The following SLC24A2 variants were observed in gnomAD, a reference collection of about 807,000 sequenced individuals.
SLC24A2 encodes sodium/potassium/calcium exchanger 2.
In SLC24A2, 36 loss-of-function variants were observed where a neutral mutation model predicts 62.0. That is an observed-to-expected ratio of 0.58 (90% CI 0.44 to 0.77). The LOEUF (loss-of-function observed/expected upper bound fraction) is 0.77. Ranked by LOEUF, SLC24A2 falls within the 30% of genes least tolerant of loss-of-function variation. The probability of loss-of-function intolerance (pLI) is 0.00; values close to 1 mark genes in which losing one functional copy is unlikely to be tolerated. For synonymous variants in SLC24A2, 358 were observed against 294.0 expected, an observed-to-expected ratio of 1.22 and a Z score of -2.23; for missense variants, 846 against 817.9, an observed-to-expected ratio of 1.03 and a Z score of -0.42.
chr9:19,776,571 G>A (rs1040959290), intron 2 of SLC24A2, among the ~76,000 whole-genome samples: 11 of 152,246 alleles, frequency 7.2e-5, no homozygotes, highest in East Asian at 1.9e-4. Context: ...GCGGTCTAGC[G>A]TCCTACAGTA....
the SLC24A2 span, among the ~76,000 whole-genome samples, chr9:19,859,321 A>T: frequency 6.6e-6 from 1 of 152,178 alleles, no homozygotes. Flanking sequence ...CAAAGAGGGG[A>T]ACAATAGACA....
chr9:20,038,659 C>T, the SLC24A2 span, among the ~76,000 whole-genome samples: 1 of 147,294 alleles, frequency 6.8e-6, no homozygotes, highest in Admixed American at 6.8e-5. Flanking sequence ...GCTTTTCTTG[C>T]AAGATAAAAT....
chr9:19,627,958 T>C (rs1253677639), intron 2 of SLC24A2, among the ~76,000 whole-genome samples: 1 of 152,226 alleles, frequency 6.6e-6, no homozygotes, highest in African/African-American at 2.4e-5. Context: ...CAAATAATTA[T>C]CTTGTGCACT....
the SLC24A2 span, among the ~76,000 whole-genome samples, chr9:20,275,579 C>G: frequency 1.3e-5 from 2 of 152,132 alleles, 1 homozygote. Flanking sequence ...GGCCTTTTTC[C>G]TCATGTCTCT....
chr9:19,899,267 T>G, the SLC24A2 span, among the ~76,000 whole-genome samples: 1 of 152,160 alleles, frequency 6.6e-6, no homozygotes, highest in African/African-American at 2.4e-5. Flanking sequence ...TGGAAACTTG[T>G]CAAAGACTGA....
At chr9:19,784,996 C>T (rs2118942100) in intron 2 of SLC24A2, among the ~76,000 whole-genome samples, 1 of 152,222 alleles carries the variant, frequency 6.6e-6, no homozygotes, top group South Asian at 2.1e-4. Flanking sequence ...TGAGAATTTT[C>T]CCAGATGCTG....
At chr9:20,221,341 T>G in the SLC24A2 span, among the ~76,000 whole-genome samples, 1 of 152,098 alleles carries the variant, frequency 6.6e-6, no homozygotes, top group Non-Finnish European at 1.5e-5. Context: ...TTTCTGGGCT[T>G]ATTTTTAAGT....
At chr9:19,560,211 GA>G (rs1835322990) in intron 7 of SLC24A2, among the ~76,000 whole-genome samples, 1 of 152,116 alleles carries the variant, frequency 6.6e-6, no homozygotes, top group African/African-American at 2.4e-5. Context: ...CCATATGATA[GA>G]AACCAGAGAG....
chr9:19,723,007 T>C (rs945949324), intron 2 of SLC24A2, among the ~76,000 whole-genome samples: 1 of 152,114 alleles, frequency 6.6e-6, no homozygotes, highest in Non-Finnish European at 1.5e-5. Context: ...AATAAGATTG[T>C]TCAATTTTTA....
At chr9:20,012,882 T>C in the SLC24A2 span, among the ~76,000 whole-genome samples, 2 of 151,766 alleles carry the variant, frequency 1.3e-5, no homozygotes, top group East Asian at 3.9e-4. Flanking sequence ...CTATAATCAC[T>C]GATGACAGAA....
chr9:20,180,552 C>T, the SLC24A2 span, among the ~76,000 whole-genome samples: 1 of 152,112 alleles, frequency 6.6e-6, no homozygotes, highest in East Asian at 1.9e-4. Flanking sequence ...AAAATAAGGA[C>T]TTTTTGGCAT....
intron 2 of SLC24A2, among the ~76,000 whole-genome samples, chr9:19,686,698 C>T (rs1819891763): frequency 6.6e-6 from 1 of 152,114 alleles, no homozygotes; most frequent in Non-Finnish European, 1.5e-5. Context: ...GCTTCCTCTT[C>T]CACCATGATT....
At chr9:20,073,867 T>G in the SLC24A2 span, among the ~76,000 whole-genome samples, 1 of 111,014 alleles carries the variant, frequency 9.0e-6, no homozygotes, top group South Asian at 3.2e-4. Context: ...TGTGTGTGTA[T>G]ATGTGCGTGT....
chr9:20,066,570 T>G, the SLC24A2 span, among the ~76,000 whole-genome samples: 2 of 152,248 alleles, frequency 1.3e-5, no homozygotes, highest in African/African-American at 4.8e-5. Context: ...TTAAGAGAAT[T>G]CTGTCCATCT....
At chr9:19,567,893 T>A (rs538137612) in intron 7 of SLC24A2, among the ~76,000 whole-genome samples, 87 of 152,292 alleles carry the variant, frequency 5.7e-4, no homozygotes, top group African/African-American at 2.0e-3. Flanking sequence ...GTGAGAGTAT[T>A]TTAAAAATGC....
intron 7 of SLC24A2, among the ~76,000 whole-genome samples, chr9:19,569,491 G>A (rs761291303): frequency 5.9e-5 from 9 of 152,214 alleles, no homozygotes; most frequent in Non-Finnish European, 1.0e-4. Context: ...TTGGCAGTGC[G>A]CACAATGTCC....
chr9:19,658,244 G>A (rs1818996838), intron 2 of SLC24A2, among the ~76,000 whole-genome samples: 1 of 149,020 alleles, frequency 6.7e-6, no homozygotes, highest in African/African-American at 2.5e-5. Flanking sequence ...ATTCACAAAG[G>A]TGATATCTCT....
chr9:19,805,834 T>TAAA, the SLC24A2 span, among the ~76,000 whole-genome samples: 1 of 141,454 alleles, frequency 7.1e-6, no homozygotes, highest in Non-Finnish European at 1.6e-5. Context: ...GGTCTGAGTT[T>TAAA]TAAAAAAAAA....
the SLC24A2 span, among the ~76,000 whole-genome samples, chr9:19,913,195 T>C: frequency 3.9e-5 from 6 of 152,134 alleles, no homozygotes; most frequent in African/African-American, 7.2e-5. Context: ...CCAAGATCTA[T>C]GACCAGTTTT....
Sources: gnomAD v4.1 joint callset for allele counts (sites outside exome capture counted in the v4.1 genomes callset) on GRCh38, gnomAD v4.1.1 for gene constraint, MANE v1.5 for transcripts, NCBI Gene and HGNC (gene_info 2026-07-23, HGNC 2026-07-21) for gene names.